The following MYO6 variants were observed in gnomAD, a reference collection of about 807,000 sequenced individuals.
MYO6 encodes myosin VI.
MYO6 carries 74 observed loss-of-function variants against 178.7 expected under a neutral mutation model. The observed-to-expected ratio is 0.41, with a 90% CI of 0.34 to 0.50. The LOEUF is 0.50. Ranked by LOEUF, MYO6 falls within the 20% of genes least tolerant of loss-of-function variation. MYO6 has a pLI of 0.09. For synonymous variants in MYO6, 477 were observed against 504.6 expected (o/e 0.95, Z 0.73); for missense variants, 1,330 against 1,547.4 (o/e 0.86, Z 2.36).
rs1233700794 is a variant in MYO6 at position 75,867,039 on chromosome 6, TAAC to T, written c.1884_1886del (p.Asn628del). The T allele has an allele frequency of 6.8e-6, 11 of 1,613,792 alleles. No individual in the cohort carries two copies. The highest frequency in any genetic ancestry group is 9.3e-6 in the Non-Finnish European group (11 of 1,179,902). On this transcript the variant is annotated inframe_deletion, in exon 18 of 35. Transcript: ENST00000369977. ...GGGAATTATTTGAATCATCCACAAA[TAAC>T]AACAAAGATACTAAACAAAAAGCAG...
At chr6:75,771,015 TC>T (rs1291781538) in intron 1 of MYO6, among the ~76,000 whole-genome samples, 17 of 151,002 alleles carry the variant, frequency 1.1e-4, no homozygotes, top group Non-Finnish European at 2.2e-4. Context: ...TTTTTTTTTT[TC>T]CCCCCTGAGA....
chr6:75,911,267 G>GT (rs1436976122), intron 32 of MYO6, among the ~76,000 whole-genome samples: 1 of 151,858 alleles, frequency 6.6e-6, no homozygotes, highest in African/African-American at 2.4e-5. Flanking sequence ...ACGTAGTAAC[G>GT]TTTTTACTCC....
At chr6:75,865,381 T>TTTTTTTA (rs1776570233) in intron 16 of MYO6, 1 of 145,092 alleles carries the variant, frequency 6.9e-6, no homozygotes, top group African/African-American at 2.6e-5. Context: ...TTTTTTTTTT[T>TTTTTTTA]GAGACAGGGT....
chr6:75,885,905 A>G (rs969806676), intron 23 of MYO6, 99 bp from the exon 24 acceptor site: 21 of 733,352 alleles, frequency 2.9e-5, no homozygotes, highest in Non-Finnish European at 4.7e-5. Context: ...TCAAGATTTC[A>G]TGTTTCTTGA....
intron 1 of MYO6, among the ~76,000 whole-genome samples, chr6:75,783,016 G>C (rs186105263): frequency 2.7e-5 from 4 of 150,290 alleles, no homozygotes; most frequent in African/African-American, 9.8e-5. Flanking sequence ...CTAGGCTCAA[G>C]TGATCCTACC....
chr6:75,788,419 T>G (rs79476891), intron 1 of MYO6, among the ~76,000 whole-genome samples: 2,436 of 152,258 alleles, frequency 0.016, 69 homozygotes, highest in African/African-American at 0.056. Flanking sequence ...TCCCTGAGCT[T>G]CTTCTGCCTC....
At position 75,881,766 on chromosome 6, in the gene MYO6, C is replaced by T. The variant is rs1281867241; in HGVS notation, c.2364C>T (p.Leu788=). 6.2e-7 allele frequency: 1 copy of T among 1,613,882 alleles called. No homozygotes were observed. The highest frequency in any genetic ancestry group is 1.3e-5 in the African/African-American group (1 of 74,910). ...AELVKRVNHW[L]TCSRWKKVQW... ...TGGTTAAAAGAGTCAATCACTGGCT[C>T]ACATGCAGTCGCTGGAAGAAAGTTC... The change falls in exon 23 of 35, where the codon CTC becomes CTT. Residue 788 remains leucine, a synonymous_variant. Transcript: ENST00000369977.
intron 33 of MYO6, among the ~76,000 whole-genome samples, chr6:75,912,617 A>G (rs1416158882): frequency 1.3e-5 from 2 of 152,096 alleles, no homozygotes; most frequent in South Asian, 2.1e-4. Context: ...ATGAATGACT[A>G]TCAGTATCAT....
chr6:75,864,597 A>G (rs1776489493), intron 16 of MYO6, among the ~76,000 whole-genome samples: 1 of 152,166 alleles, frequency 6.6e-6, no homozygotes. Flanking sequence ...TGGCACCTAG[A>G]GTCATAAGCA....
chr6:75,813,571 T>TA (rs1770908066), intron 1 of MYO6, among the ~76,000 whole-genome samples: 1 of 152,086 alleles, frequency 6.6e-6, no homozygotes, highest in African/African-American at 2.4e-5. Flanking sequence ...AAGTCCCCCT[T>TA]ACTCTTCCCT....
chr6:75,891,115 A>G (rs1007337863), intron 26 of MYO6, 113 bp from the exon 27 acceptor site: 2 of 665,792 alleles, frequency 3.0e-6, no homozygotes, highest in Non-Finnish European at 5.2e-6. Context: ...CAGGAGGTTA[A>G]TTTGCATTCC....
chr6:75,756,094 G>C (rs1291553817), intron 1 of MYO6, among the ~76,000 whole-genome samples: 1 of 152,036 alleles, frequency 6.6e-6, no homozygotes. Context: ...AAAACTGAGA[G>C]AAAATAAATG....
chr6:75,914,049 G>A lies in MYO6; in HGVS notation c.3440-14G>A, dbSNP rs1477086153. ...TTGAGCTGCTGGTATAACTTTCCTT[G>A]TTCTGTGTAATAGCTCAGCAAAACC... On this transcript the variant is annotated splice_polypyrimidine_tract_variant and intron_variant, in intron 33 of 34. Transcript: ENST00000369977. The A allele has an allele frequency of 6.2e-7, 1 of 1,613,072 alleles. No individual in the cohort carries two copies. Among genetic ancestry groups the A allele is most frequent in the Non-Finnish European group, 8.5e-7 (1 of 1,179,652 alleles).
chr6:75,809,284 C>T lies in MYO6; in HGVS notation c.-47-8217C>T, dbSNP rs887488479. ...GATTTTTTTCCTTTCACAGGATTTACAGCCAAGGAACAGAGCGAGTGGATC... is the reference window on the plus strand; with the variant it reads ...GATTTTTTTCCTTTCACAGGATTTATAGCCAAGGAACAGAGCGAGTGGATC... On this transcript the variant is annotated intron_variant, in intron 1 of 34. Transcript: ENST00000369977. Among the ~76,000 whole-genome samples the T allele has an allele frequency of 2.6e-5, 4 of 152,260 alleles. No individual in the cohort carries two copies. In the East Asian group the frequency reaches 7.7e-4, roughly 29 times the overall value.
At chr6:75,913,757 T>C (rs1466429838) in intron 33 of MYO6, among the ~76,000 whole-genome samples, 2 of 152,132 alleles carry the variant, frequency 1.3e-5, no homozygotes, top group Non-Finnish European at 2.9e-5. Context: ...TGTGAGTTTA[T>C]TTTAGGTTAC....
In MYO6 at chr6:75,857,260, T is replaced by C. The variant is rs1775797095; in HGVS notation, c.1381+6T>C. 1 of 1,612,218 alleles carries C rather than the reference T, an allele frequency of 6.2e-7. No homozygotes were observed. The highest frequency in any genetic ancestry group is 8.5e-7 in the Non-Finnish European group (1 of 1,178,364). ...CCTAGATATTGCTGGTTTTGGTAAG[T>C]AGAGTTTCTTTTGTGAGTATATATT... is the stretch of plus-strand genomic sequence containing the variant. On this transcript the variant is annotated splice_donor_region_variant and intron_variant, in intron 13 of 34. Coordinates refer to ENST00000369977, the MANE Select transcript of MYO6 (RefSeq NM_004999.4).
At chr6:75,762,337 ATTCTT>A (rs902011756) in intron 1 of MYO6, among the ~76,000 whole-genome samples, 3 of 152,138 alleles carry the variant, frequency 2.0e-5, no homozygotes, top group Admixed American at 6.5e-5. Context: ...TGAGGTGACT[ATTCTT>A]ATTATTCTAT....
At position 75,848,543 on chromosome 6, in the gene MYO6, A is replaced by AT. The variant is rs144408691; in HGVS notation, c.1078+19dup. On this transcript the variant is annotated intron_variant, in intron 11 of 34. Coordinates refer to ENST00000369977, the MANE Select transcript of MYO6 (RefSeq NM_004999.4). Reference sequence around the variant, plus strand: ...TGGCAGCACTTCAGGTTTGCTTTTTATTTTTTTAAGAGGAAAAAAATTAAA... The same window carrying AT: ...TGGCAGCACTTCAGGTTTGCTTTTTATTTTTTTTAAGAGGAAAAAAATTAAA... 0.075 allele frequency: 121,204 copies of AT among 1,609,652 alleles called. 6,046 individuals carry two copies. Among genetic ancestry groups the AT allele is most frequent in the East Asian group, 0.28 (12,618 of 44,786 alleles).
chr6:75,795,251 T>C (rs1268819937), intron 1 of MYO6, among the ~76,000 whole-genome samples: 3 of 152,182 alleles, frequency 2.0e-5, no homozygotes, highest in Non-Finnish European at 4.4e-5. Flanking sequence ...GCAAAATGCC[T>C]GCAGCACCGT....
Sources: gnomAD v4.1 joint callset for allele counts (sites outside exome capture counted in the v4.1 genomes callset) on GRCh38, gnomAD v4.1.1 for gene constraint, MANE v1.5 for transcripts, NCBI Gene and HGNC (gene_info 2026-07-23, HGNC 2026-07-21) for gene names.